Variants in PRUNE2 observed in about 807,000 individuals in gnomAD.
The protein encoded by PRUNE2 is prune homolog 2 with BCH domain, also known as protein prune homolog 2.
In PRUNE2, 164 loss-of-function variants were observed where a neutral mutation model predicts 252.0. The observed-to-expected ratio is 0.65, with a 90% CI of 0.57 to 0.74. The LOEUF is 0.74. Ranked by LOEUF, PRUNE2 falls within the 30% of genes least tolerant of loss-of-function variation. The probability of loss-of-function intolerance (pLI) is 0.00; values close to 1 mark genes in which losing one functional copy is unlikely to be tolerated. For synonymous variants in PRUNE2, 1,292 were observed against 1,350.2 expected (o/e 0.96, Z 0.94); for missense variants, 3,495 against 3,711.0 (o/e 0.94, Z 1.51).
At chr9:76,845,780 G>A (rs950279513) in intron 4 of PRUNE2, among the ~76,000 whole-genome samples, 6 of 152,150 alleles carry the variant, frequency 3.9e-5, no homozygotes, top group East Asian at 1.9e-4. Context: ...TTGGTGGTGC[G>A]GGGAGGGAAA....
chr9:76,712,635 C>T (rs2046825471), intron 7 of PRUNE2, among the ~76,000 whole-genome samples: 2 of 152,218 alleles, frequency 1.3e-5, no homozygotes, highest in Admixed American at 1.3e-4. Context: ...GATGTGAAAG[C>T]CGCCATGTTG....
At chr9:76,783,286 A>C (rs553710617) in intron 6 of PRUNE2, among the ~76,000 whole-genome samples, 1 of 152,176 alleles carries the variant, frequency 6.6e-6, no homozygotes, top group South Asian at 2.1e-4. Flanking sequence ...ACAGGCATGC[A>C]CCAGCACGCC....
rs2058540762 is a variant in PRUNE2 at position 76,829,430 on chromosome 9, A to G, written c.509-2698T>C. Among the ~76,000 whole-genome samples the G allele has an allele frequency of 1.3e-5, 2 of 152,238 alleles. 1 individual carries two copies. The highest frequency in any genetic ancestry group is 4.8e-5 in the African/African-American group (2 of 41,462). ...AACCCGGTTTTGAAACAGGACCCCT[A>G]GAGAGTTATATCCTAGGACAAGGGT... is the stretch of plus-strand genomic sequence containing the variant. On this transcript the variant is annotated intron_variant, in intron 4 of 18. Transcript: ENST00000376718.
At chr9:76,853,436 A>G (rs576111712) in intron 2 of PRUNE2, among the ~76,000 whole-genome samples, 34 of 152,338 alleles carry the variant, frequency 2.2e-4, no homozygotes, top group African/African-American at 8.2e-4. Flanking sequence ...GCCCATTATC[A>G]TGAGCTCATG....
chr9:76,704,147 A>G, intron 8 of PRUNE2, 48 bp from the exon 9 acceptor site: 1 of 1,324,620 alleles, frequency 7.5e-7, no homozygotes, highest in Non-Finnish European at 1.0e-6. Flanking sequence ...GGTTTAATTA[A>G]CACATTGTGT....
At chr9:76,718,028 T>C (rs2047314090) in intron 6 of PRUNE2, among the ~76,000 whole-genome samples, 1 of 151,844 alleles carries the variant, frequency 6.6e-6, no homozygotes, top group Admixed American at 6.6e-5. Context: ...TAAAAGAAGT[T>C]GATGCTCATT....
At chr9:76,722,958 A>G (rs183170850) in intron 6 of PRUNE2, among the ~76,000 whole-genome samples, 5 of 152,334 alleles carry the variant, frequency 3.3e-5, no homozygotes, top group South Asian at 2.1e-4. Flanking sequence ...ATTTATTTCA[A>G]TTTGGTGTTG....
At chr9:76,671,258 A>G (rs568255838) in intron 9 of PRUNE2, among the ~76,000 whole-genome samples, 121 of 147,456 alleles carry the variant, frequency 8.2e-4, no homozygotes, top group African/African-American at 2.7e-3. Flanking sequence ...TGAAGAATGC[A>G]GAAGCCTCAG....
intron 6 of PRUNE2, among the ~76,000 whole-genome samples, chr9:76,743,071 C>A (rs2049790665): frequency 6.6e-6 from 1 of 152,170 alleles, no homozygotes; most frequent in African/African-American, 2.4e-5. Flanking sequence ...AGGGGCTTCC[C>A]CCTTTGCTTG....
chr9:76,801,806 T>C (rs1453148697), intron 6 of PRUNE2, among the ~76,000 whole-genome samples: 1 of 152,180 alleles, frequency 6.6e-6, no homozygotes, highest in Non-Finnish European at 1.5e-5. Context: ...AAGCCATCAG[T>C]GCTGCGTACA....
At chr9:76,643,624 G>A (rs376782741) in intron 12 of PRUNE2, among the ~76,000 whole-genome samples, 14 of 152,302 alleles carry the variant, frequency 9.2e-5, no homozygotes, top group African/African-American at 3.4e-4. Context: ...AGCTCTCAGC[G>A]GGGCATATTT....
intron 6 of PRUNE2, among the ~76,000 whole-genome samples, chr9:76,742,775 C>A (rs1276898000): frequency 6.6e-6 from 1 of 151,856 alleles, no homozygotes; most frequent in Non-Finnish European, 1.5e-5. Flanking sequence ...AAGAAAAAAC[C>A]AATTAAACAC....
rs137942944 is a variant in PRUNE2 at position 76,855,976 on chromosome 9, A to C, written c.37-1768T>G. ...CAAATATTCTAGAAGCTCCTAAAGA[A>C]AGGTAGGTAAATGGAATTACAGTCT... On this transcript the variant is annotated intron_variant, in intron 1 of 18. Transcript: ENST00000376718. 4.6e-3 allele frequency among the ~76,000 whole-genome samples: 700 copies of C among 152,334 alleles called. 26 individuals carry two copies. Among genetic ancestry groups the C allele is most frequent in the Admixed American group, 0.041 (621 of 15,292 alleles).
intron 6 of PRUNE2, among the ~76,000 whole-genome samples, chr9:76,723,882 A>G (rs2047861853): frequency 6.8e-6 from 1 of 146,620 alleles, no homozygotes; most frequent in South Asian, 2.1e-4. Flanking sequence ...ATCTCGGCTC[A>G]CTGCAAGCTC....
At chr9:76,895,794 T>TTATG (rs2062783471) in intron 1 of PRUNE2, among the ~76,000 whole-genome samples, 1 of 152,084 alleles carries the variant, frequency 6.6e-6, no homozygotes, top group Non-Finnish European at 1.5e-5. Flanking sequence ...ATTTATTTAT[T>TTATG]TATTTTTGAG....
intron 6 of PRUNE2, among the ~76,000 whole-genome samples, chr9:76,743,073 C>T (rs1029398823): frequency 6.6e-6 from 1 of 152,150 alleles, no homozygotes; most frequent in Non-Finnish European, 1.5e-5. Context: ...GGGCTTCCCC[C>T]TTTGCTTGGC....
At chr9:76,684,716 C>G (rs1443701187) in intron 9 of PRUNE2, among the ~76,000 whole-genome samples, 6 of 152,152 alleles carry the variant, frequency 3.9e-5, no homozygotes, top group African/African-American at 1.4e-4. Flanking sequence ...GCAATCTACC[C>G]TGGTGGGGGT....
chr9:76,861,724 A>G (rs905361335), intron 1 of PRUNE2, among the ~76,000 whole-genome samples: 1 of 152,050 alleles, frequency 6.6e-6, no homozygotes, highest in Non-Finnish European at 1.5e-5. Context: ...ACTTCTGGAT[A>G]TAGTTTATAT....
chr9:76,655,651 A>AAATT (rs1420190616), intron 9 of PRUNE2, 149 bp from the exon 10 acceptor site: 6 of 620,856 alleles, frequency 9.7e-6, no homozygotes, highest in African/African-American at 9.2e-5. Flanking sequence ...AAGTGGTCCC[A>AAATT]AATTAAAGAC....
Sources: gnomAD v4.1 joint callset for allele counts (sites outside exome capture counted in the v4.1 genomes callset) on GRCh38, gnomAD v4.1.1 for gene constraint, MANE v1.5 for transcripts, NCBI Gene and HGNC (gene_info 2026-07-23, HGNC 2026-07-21) for gene names.